Variants in DLG2 observed in about 807,000 individuals in gnomAD.
DLG2 encodes the protein disks large homolog 2.
Under a neutral mutation model 132.5 loss-of-function variants are expected in DLG2, and 45 were observed. The ratio of observed to expected loss-of-function variants is 0.34; its 90% CI spans 0.27 to 0.44. DLG2 has a LOEUF of 0.44. Ranked by LOEUF, DLG2 falls within the 20% of genes least tolerant of loss-of-function variation. The pLI is 1.00. For missense variants in DLG2, 1,045 were observed against 1,196.9 expected (o/e 0.87, Z 1.87); for synonymous variants, 424 against 419.6 (o/e 1.01, Z -0.13).
intron 6 of DLG2, among the ~76,000 whole-genome samples, chr11:84,998,755 T>C (rs1481183658): frequency 6.6e-6 from 1 of 152,032 alleles, no homozygotes; most frequent in East Asian, 1.9e-4. Context: ...GATTTTTTTT[T>C]GTCTTGTGCA....
chr11:84,338,208 G>A (rs547471756), intron 7 of DLG2, among the ~76,000 whole-genome samples: 5 of 151,992 alleles, frequency 3.3e-5, no homozygotes, highest in Non-Finnish European at 5.9e-5. Flanking sequence ...CTCCACCTTC[G>A]TGCAATTGTC....
chr11:85,014,741 G>T (rs895566210), intron 6 of DLG2, among the ~76,000 whole-genome samples: 5 of 152,058 alleles, frequency 3.3e-5, no homozygotes, highest in African/African-American at 1.2e-4. Flanking sequence ...ACCTCCTTTG[G>T]TACACCCCAA....
intron 6 of DLG2, among the ~76,000 whole-genome samples, chr11:84,788,524 T>C (rs919402155): frequency 2.0e-5 from 3 of 152,202 alleles, no homozygotes; most frequent in African/African-American, 7.2e-5. Flanking sequence ...CTTTCATTTA[T>C]ATTACTTTTC....
intron 6 of DLG2, among the ~76,000 whole-genome samples, chr11:84,889,918 A>G (rs2089049548): frequency 6.6e-6 from 1 of 152,202 alleles, no homozygotes; most frequent in Non-Finnish European, 1.5e-5. Context: ...TTCCCTCAGG[A>G]AACAGATTCT....
At chr11:84,057,359 GA>G (rs2096522104) in intron 11 of DLG2, among the ~76,000 whole-genome samples, 2 of 152,060 alleles carry the variant, frequency 1.3e-5, no homozygotes, top group Admixed American at 1.3e-4. Flanking sequence ...GGGCTATGCT[GA>G]ATAATTACAG....
At chr11:83,657,608 G>A (rs926236637) in intron 18 of DLG2, among the ~76,000 whole-genome samples, 6 of 134,126 alleles carry the variant, frequency 4.5e-5, no homozygotes, top group South Asian at 2.3e-4. Context: ...GCGCGATCTC[G>A]GCTCACTGCA....
intron 6 of DLG2, among the ~76,000 whole-genome samples, chr11:84,686,318 T>C (rs1382282572): frequency 6.6e-6 from 1 of 152,202 alleles, no homozygotes; most frequent in Non-Finnish European, 1.5e-5. Flanking sequence ...AATCATTTTT[T>C]AATACGCAAC....
intron 6 of DLG2, among the ~76,000 whole-genome samples, chr11:84,971,830 AG>A (rs1429556606): frequency 6.6e-6 from 1 of 152,154 alleles, no homozygotes; most frequent in African/African-American, 2.4e-5. Flanking sequence ...AAGTCAAAAA[AG>A]CTTTTGGCTT....
At chr11:85,266,030 T>G (rs773527755) in intron 4 of DLG2, among the ~76,000 whole-genome samples, 39 of 152,234 alleles carry the variant, frequency 2.6e-4, no homozygotes, top group Non-Finnish European at 5.4e-4. Context: ...ACTGGCCCTT[T>G]GCTCTCACTG....
chr11:83,515,871 T>G (rs2095274207), intron 21 of DLG2, among the ~76,000 whole-genome samples: 1 of 152,232 alleles, frequency 6.6e-6, no homozygotes, highest in Non-Finnish European at 1.5e-5. Context: ...CTAGTTTAAT[T>G]GCACTGTGGT....
intron 3 of DLG2, among the ~76,000 whole-genome samples, chr11:85,589,760 A>G (rs1308862269): frequency 2.0e-5 from 3 of 151,940 alleles, no homozygotes; most frequent in African/African-American, 7.3e-5. Flanking sequence ...GCCCCAAGTT[A>G]TAAGTTTCCC....
chr11:84,644,830 TG>T (rs1295929033), intron 6 of DLG2, among the ~76,000 whole-genome samples: 1 of 152,058 alleles, frequency 6.6e-6, no homozygotes, highest in Non-Finnish European at 1.5e-5. Context: ...GTTCTGTGGG[TG>T]CCTGAGCGCT....
At chr11:84,453,295 C>T (rs1434482585) in intron 7 of DLG2, among the ~76,000 whole-genome samples, 1 of 151,554 alleles carries the variant, frequency 6.6e-6, no homozygotes, top group Non-Finnish European at 1.5e-5. Context: ...TTACAATTAT[C>T]TATTTAATAC....
At chr11:84,629,294 G>A (rs762352249) in intron 6 of DLG2, among the ~76,000 whole-genome samples, 1 of 152,154 alleles carries the variant, frequency 6.6e-6, no homozygotes. Flanking sequence ...GGAAATATAA[G>A]ATCAATACAA....
chr11:83,867,336 CACTT>C (rs924375886), intron 16 of DLG2, among the ~76,000 whole-genome samples: 1 of 152,128 alleles, frequency 6.6e-6, no homozygotes, highest in African/African-American at 2.4e-5. Flanking sequence ...CCACATAAAA[CACTT>C]ACAACACATA....
At chr11:83,480,261 A>G in intron 22 of DLG2, 1 of 862,216 alleles carries the variant, frequency 1.2e-6, no homozygotes, top group Non-Finnish European at 1.8e-6. Context: ...TGCTTTGAAT[A>G]CAGATGATAA....
chr11:83,619,190 G>C (rs925350355), intron 19 of DLG2, among the ~76,000 whole-genome samples: 3 of 152,098 alleles, frequency 2.0e-5, no homozygotes, highest in Non-Finnish European at 4.4e-5. Flanking sequence ...GCATCCCATG[G>C]TTTACATCTG....
intron 6 of DLG2, among the ~76,000 whole-genome samples, chr11:84,693,154 T>C (rs1312611138): frequency 6.6e-6 from 1 of 151,822 alleles, no homozygotes; most frequent in Non-Finnish European, 1.5e-5. Context: ...TAGTCACTCT[T>C]CAAAACATCT....
chr11:84,397,323 A>T (rs1321352101), intron 7 of DLG2, among the ~76,000 whole-genome samples: 1 of 152,230 alleles, frequency 6.6e-6, no homozygotes, highest in Non-Finnish European at 1.5e-5. Context: ...GACTAATACA[A>T]TTATCACTTC....
Sources: allele counts gnomAD v4.1 joint callset (sites outside exome capture counted in the v4.1 genomes callset), GRCh38; gene constraint gnomAD v4.1.1; transcripts MANE v1.5; gene names NCBI Gene and HGNC (gene_info 2026-07-23, HGNC 2026-07-21).